The following KIAA0825 variants were observed in gnomAD, a reference collection of about 807,000 sequenced individuals.
KIAA0825 encodes the protein uncharacterized protein KIAA0825.
In KIAA0825, 119 loss-of-function variants were observed where a neutral mutation model predicts 147.6. The ratio of observed to expected loss-of-function variants is 0.81; its 90% CI spans 0.69 to 0.94. The LOEUF (loss-of-function observed/expected upper bound fraction) is 0.94. KIAA0825 is among the 40% of genes least tolerant of loss of function. KIAA0825 has a pLI of 0.00. For missense variants in KIAA0825, 1,381 were observed against 1,472.7 expected (o/e 0.94, Z 1.02); for synonymous variants, 470 against 518.1 (o/e 0.91, Z 1.26).
intron 2 of KIAA0825, among the ~76,000 whole-genome samples, chr5:94,563,905 C>T (rs987488314): frequency 3.9e-5 from 6 of 152,254 alleles, no homozygotes; most frequent in South Asian, 2.1e-4. Flanking sequence ...AGACTGATCT[C>T]GAACTCCTGA....
At chr5:94,337,990 C>T (rs1427143709) in intron 20 of KIAA0825, among the ~76,000 whole-genome samples, 2 of 152,092 alleles carry the variant, frequency 1.3e-5, no homozygotes, top group Non-Finnish European at 2.9e-5. Context: ...ATGATGGTAC[C>T]TTACACTAAA....
intron 4 of KIAA0825, among the ~76,000 whole-genome samples, chr5:94,523,334 A>G (rs1016790346): frequency 3.3e-5 from 5 of 151,668 alleles, no homozygotes; most frequent in African/African-American, 9.7e-5. Flanking sequence ...CAAGTGTGAT[A>G]AAATCACTGT....
intron 15 of KIAA0825, among the ~76,000 whole-genome samples, chr5:94,410,537 A>ACAT (rs1316125587): frequency 6.6e-6 from 1 of 152,212 alleles, no homozygotes; most frequent in African/African-American, 2.4e-5. Context: ...AAAACAAGGC[A>ACAT]CATCATAATC....
At chr5:94,355,455 A>T (rs1784140815) in intron 20 of KIAA0825, among the ~76,000 whole-genome samples, 2 of 152,200 alleles carry the variant, frequency 1.3e-5, no homozygotes, top group African/African-American at 4.8e-5. Context: ...AAAGTAAGTC[A>T]CGATATATAG....
intron 16 of KIAA0825, among the ~76,000 whole-genome samples, chr5:94,398,079 T>C (rs1750905820): frequency 6.6e-6 from 1 of 151,284 alleles, no homozygotes; most frequent in Non-Finnish European, 1.5e-5. Flanking sequence ...CATTGATATA[T>C]AGTTCTACCC....
chr5:94,210,141 G>A (rs923119050), intron 20 of KIAA0825, among the ~76,000 whole-genome samples: 5 of 152,116 alleles, frequency 3.3e-5, no homozygotes, highest in African/African-American at 9.7e-5. Context: ...ATGACCGAAC[G>A]CACTGCTCCC....
chr5:94,381,859 G>C (rs914329042), intron 20 of KIAA0825, among the ~76,000 whole-genome samples: 2 of 152,168 alleles, frequency 1.3e-5, no homozygotes, highest in African/African-American at 4.8e-5. Flanking sequence ...CATGTGGGGA[G>C]ACTAATTCCA....
intron 20 of KIAA0825, among the ~76,000 whole-genome samples, chr5:94,275,425 A>T (rs927811825): frequency 6.6e-6 from 1 of 152,190 alleles, no homozygotes; most frequent in African/African-American, 2.4e-5. Flanking sequence ...GATAAACTTT[A>T]GATAGCCTAT....
At chr5:94,451,702 C>T (rs539056150) in intron 13 of KIAA0825, among the ~76,000 whole-genome samples, 16 of 152,238 alleles carry the variant, frequency 1.1e-4, no homozygotes, top group Admixed American at 6.5e-5. Flanking sequence ...TGGGTTGATC[C>T]GAGCAAGCTT....
At chr5:94,522,733 T>C (rs1584768987) in intron 4 of KIAA0825, among the ~76,000 whole-genome samples, 1 of 151,568 alleles carries the variant, frequency 6.6e-6, no homozygotes, top group East Asian at 1.9e-4. Flanking sequence ...AATAACATGA[T>C]CAATTATGTA....
At chr5:94,352,314 G>C (rs1040257744) in intron 20 of KIAA0825, among the ~76,000 whole-genome samples, 2 of 152,096 alleles carry the variant, frequency 1.3e-5, no homozygotes, top group African/African-American at 4.8e-5. Context: ...AAACATATGA[G>C]AAAATGCTCA....
chr5:94,513,878 T>A (rs149320071), intron 5 of KIAA0825, among the ~76,000 whole-genome samples: 66 of 148,886 alleles, frequency 4.4e-4, no homozygotes, highest in African/African-American at 1.6e-3. Flanking sequence ...AAAAAAATTA[T>A]AATGTCAGAC....
intron 20 of KIAA0825, among the ~76,000 whole-genome samples, chr5:94,309,960 A>C (rs1779012751): frequency 1.3e-5 from 2 of 151,666 alleles, no homozygotes; most frequent in South Asian, 4.1e-4. Context: ...ATCTGTTAAA[A>C]GCATCTTCCC....
At chr5:94,416,668 T>A (rs1753509976) in intron 15 of KIAA0825, 1 of 153,036 alleles carries the variant, frequency 6.5e-6, no homozygotes, top group Non-Finnish European at 1.5e-5. Flanking sequence ...CCTTTATTAT[T>A]CTCTCTAGCT....
Position 94,403,698 on chromosome 5 carries a change from C to T in KIAA0825, c.2758G>A (p.Val920Ile). Residue 920 changes from valine (V) to isoleucine (I), a missense_variant, in exon 16 of 21, where the codon GTA (valine) becomes ATA (isoleucine). Coordinates refer to ENST00000682413, the MANE Select transcript of KIAA0825 (RefSeq NM_001145678.3). The stretch of plus-strand genomic sequence containing the variant: ...TCACAGTTTCTCCTAGAACTCATTA[C>T]AGATACTATCTGCTGTACAGTGTCC... ...IKDTVQQIVS[V>I]MSSRRNCETN... 5 of 1,551,582 alleles carry T rather than the reference C, an allele frequency of 3.2e-6. No individual in the cohort carries two copies. The highest frequency in any genetic ancestry group is 4.4e-6 in the Non-Finnish European group (5 of 1,146,910).
chr5:94,560,563 C>T (rs1196059979), intron 2 of KIAA0825, among the ~76,000 whole-genome samples: 1 of 152,098 alleles, frequency 6.6e-6, no homozygotes, highest in Non-Finnish European at 1.5e-5. Flanking sequence ...GCTACAGAGG[C>T]CATATGTGTC....
intron 2 of KIAA0825, among the ~76,000 whole-genome samples, chr5:94,538,077 A>G (rs1264309190): frequency 6.6e-6 from 1 of 152,242 alleles, no homozygotes; most frequent in Non-Finnish European, 1.5e-5. Flanking sequence ...ACTGCTGTAG[A>G]GGCTGGGATA....
chr5:94,419,546 A>T (rs902455595), intron 14 of KIAA0825, among the ~76,000 whole-genome samples: 2 of 151,956 alleles, frequency 1.3e-5, no homozygotes, highest in Non-Finnish European at 2.9e-5. Flanking sequence ...GTGCCCTCCC[A>T]TCTCCTTTTC....
chr5:94,477,247 T>C, intron 6 of KIAA0825, 42 bp from the exon 7 acceptor site: 1 of 1,268,428 alleles, frequency 7.9e-7, no homozygotes, highest in Non-Finnish European at 1.1e-6. Context: ...ATATATATTG[T>C]TTAAAAAGCA....
Sources: gnomAD v4.1 joint callset for allele counts (sites outside exome capture counted in the v4.1 genomes callset) on GRCh38, gnomAD v4.1.1 for gene constraint, MANE v1.5 for transcripts, NCBI Gene and HGNC (gene_info 2026-07-23, HGNC 2026-07-21) for gene names.